GLRA1: variants seen among roughly 807,000 people sequenced by gnomAD.
GLRA1 encodes the protein glycine receptor subunit alpha-1.
In GLRA1, 37 loss-of-function variants were observed where a neutral mutation model predicts 48.3. The observed-to-expected ratio is 0.77, with a 90% confidence interval of 0.59 to 1.01. GLRA1 has a LOEUF of 1.01. GLRA1 is among the 50% of genes least tolerant of loss of function. The pLI, the probability that GLRA1 is intolerant of heterozygous loss-of-function variation, is 0.00. For missense variants in GLRA1, 427 were observed against 571.0 expected (o/e 0.75, Z 2.57); for synonymous variants, 196 against 210.7 (o/e 0.93, Z 0.60).
chr5:151,822,661 C>G lies in GLRA1; in HGVS notation c.*12G>C, dbSNP rs1037911785. The G allele has an allele frequency of 6.3e-7, 1 of 1,599,432 alleles. No homozygotes were observed. The highest frequency in any genetic ancestry group is 1.3e-5 in the African/African-American group (1 of 74,580). Reference sequence around the variant, plus strand: ...TTCCCCTCTCCCAGCCTCCCCCAACCTTTCAGACCCTTCACTGGTTGTGGA... The same window carrying G: ...TTCCCCTCTCCCAGCCTCCCCCAACGTTTCAGACCCTTCACTGGTTGTGGA... On this transcript the variant is annotated 3_prime_UTR_variant, in exon 9 of 9. Coordinates refer to ENST00000274576, the MANE Select transcript of GLRA1 (RefSeq NM_000171.4).
chr5:151,830,278 G>C (rs1227741431), intron 7 of GLRA1, among the ~76,000 whole-genome samples: 1 of 152,208 alleles, frequency 6.6e-6, no homozygotes, highest in Non-Finnish European at 1.5e-5. Context: ...TCTTTGACCT[G>C]ATTTGAAGTT....
chr5:151,839,445 C>A (rs6579906), intron 7 of GLRA1, among the ~76,000 whole-genome samples: 1 of 151,966 alleles, frequency 6.6e-6, no homozygotes, highest in Non-Finnish European at 1.5e-5. Context: ...TGTTAATCAA[C>A]ATATAATGAA....
intron 3 of GLRA1, among the ~76,000 whole-genome samples, chr5:151,869,337 C>T (rs1753417108): frequency 6.6e-6 from 1 of 151,670 alleles, no homozygotes; most frequent in South Asian, 2.1e-4. Context: ...CTCCTGGCCT[C>T]AAGTGATCCA....
intron 1 of GLRA1, among the ~76,000 whole-genome samples, chr5:151,914,347 G>GT (rs1255778710): frequency 6.6e-6 from 1 of 152,172 alleles, no homozygotes; most frequent in Non-Finnish European, 1.5e-5. Context: ...GCTGGATGTG[G>GT]TTTTCTGGCT....
chr5:151,848,427 C>T (rs1447616267), intron 7 of GLRA1, among the ~76,000 whole-genome samples: 1 of 152,132 alleles, frequency 6.6e-6, no homozygotes, highest in Non-Finnish European at 1.5e-5. Flanking sequence ...AGTGCAGTGG[C>T]ACCATCTTGG....
At chr5:151,850,358 A>T in intron 7 of GLRA1, 1 of 1,411,578 alleles carries the variant, frequency 7.1e-7, no homozygotes, top group South Asian at 1.2e-5. Flanking sequence ...TGCATCATGT[A>T]TGTGAAGACT....
At position 151,846,725 on chromosome 5, in the gene GLRA1, G is replaced by A. The variant is rs142736866; in HGVS notation, c.912+4665C>T. Among the ~76,000 whole-genome samples, 33 of 152,280 alleles carry A rather than the reference G, an allele frequency of 2.2e-4. No homozygotes were observed. In the East Asian group the frequency reaches 6.2e-3, roughly 28 times the overall value. ...AAGAGACAAAATAGAGCAACTGTGT[G>A]CAATATGAATTGGATCCTTGATTGG... On this transcript the variant is annotated intron_variant, in intron 7 of 8. Coordinates refer to ENST00000274576, the MANE Select transcript of GLRA1 (RefSeq NM_000171.4).
Position 151,851,386 on chromosome 5 carries a change from T to A in GLRA1, c.912+4A>T. 6.2e-7 allele frequency: 1 copy of A among 1,606,948 alleles called. No homozygotes were observed. Among genetic ancestry groups the A allele is most frequent in the South Asian group, 1.1e-5 (1 of 90,880 alleles). ...GTTCTGTGCTCTTGGGCAATGGGAC[T>A]TACCTTGGGCAGAGATGCTCGAGAG... On this transcript the variant is annotated splice_donor_region_variant and intron_variant, in intron 7 of 8. Coordinates refer to ENST00000274576, the MANE Select transcript of GLRA1 (RefSeq NM_000171.4).
At chr5:151,854,933 C>G (rs1752996624) in intron 6 of GLRA1, 107 bp downstream of exon 6, 1 of 1,238,678 alleles carries the variant, frequency 8.1e-7, no homozygotes, top group East Asian at 2.3e-5. Flanking sequence ...CTCTTAACCA[C>G]TAGGTAATCT....
intron 1 of GLRA1, among the ~76,000 whole-genome samples, chr5:151,897,296 C>T (rs1047444600): frequency 5.9e-5 from 9 of 152,202 alleles, no homozygotes; most frequent in African/African-American, 2.2e-4. Context: ...AGTAGATATG[C>T]ATCGGGGAGC....
intron 3 of GLRA1, among the ~76,000 whole-genome samples, chr5:151,885,608 C>T (rs1348785885): frequency 6.6e-6 from 1 of 152,178 alleles, no homozygotes; most frequent in Non-Finnish European, 1.5e-5. Flanking sequence ...GGGCAGTGGC[C>T]TAGCAGCCAC....
At chr5:151,910,504 T>C (rs1343497871) in intron 1 of GLRA1, among the ~76,000 whole-genome samples, 1 of 152,204 alleles carries the variant, frequency 6.6e-6, no homozygotes, top group Admixed American at 6.5e-5. Flanking sequence ...GGGATCCTAC[T>C]GTACAGACTG....
At chr5:151,852,146 C>A (rs1435794768) in intron 6 of GLRA1, among the ~76,000 whole-genome samples, 2 of 152,152 alleles carry the variant, frequency 1.3e-5, no homozygotes, top group African/African-American at 2.4e-5. Flanking sequence ...TCTAACCAGT[C>A]TTTCTATCCC....
chr5:151,916,440 C>A (rs909520686), intron 1 of GLRA1, among the ~76,000 whole-genome samples: 17 of 152,206 alleles, frequency 1.1e-4, no homozygotes, highest in Non-Finnish European at 2.1e-4. Flanking sequence ...ACACGCAGCT[C>A]TCAGAAGGCT....
intron 1 of GLRA1, 38 bp from the exon 2 acceptor site, chr5:151,892,476 G>T: frequency 6.2e-7 from 1 of 1,611,088 alleles, no homozygotes; most frequent in Non-Finnish European, 8.5e-7. Context: ...GTTAATGATG[G>T]CTCTTTCTCA....
chr5:151,868,220 G>A (rs1753385745), intron 3 of GLRA1, among the ~76,000 whole-genome samples: 1 of 152,156 alleles, frequency 6.6e-6, no homozygotes, highest in Non-Finnish European at 1.5e-5. Flanking sequence ...AATTGACTAA[G>A]GTGGAACCTG....
chr5:151,901,193 C>A (rs549571237), intron 1 of GLRA1, among the ~76,000 whole-genome samples: 11 of 152,298 alleles, frequency 7.2e-5, no homozygotes, highest in Admixed American at 3.3e-4. Flanking sequence ...GCGCATAAAC[C>A]CCACATTCCT....
chr5:151,833,587 C>T (rs1448583054), intron 7 of GLRA1, among the ~76,000 whole-genome samples: 2 of 152,092 alleles, frequency 1.3e-5, no homozygotes, highest in African/African-American at 4.8e-5. Context: ...CCTCAGCCTC[C>T]CGAGTAGCTG....
chr5:151,857,367 A>T (rs1174836956), intron 4 of GLRA1, among the ~76,000 whole-genome samples: 3 of 152,074 alleles, frequency 2.0e-5, no homozygotes, highest in African/African-American at 7.2e-5. Flanking sequence ...GGTTTTTTGG[A>T]GTCTTTCTGG....
Sources: allele counts gnomAD v4.1 joint callset (sites outside exome capture counted in the v4.1 genomes callset), GRCh38; gene constraint gnomAD v4.1.1; transcripts MANE v1.5; gene names NCBI Gene and HGNC (gene_info 2026-07-23, HGNC 2026-07-21).